The following KYNU variants were observed in gnomAD, a reference collection of about 807,000 sequenced individuals.
KYNU encodes the protein kynureninase, also known as L-kynurenine hydrolase.
Under a neutral mutation model 59.2 loss-of-function variants are expected in KYNU, and 54 were observed. The ratio of observed to expected loss-of-function variants is 0.91; its 90% CI spans 0.73 to 1.14. The LOEUF (loss-of-function observed/expected upper bound fraction) is 1.14, where lower values mean the gene tolerates loss of function less well. Ranked by LOEUF, KYNU falls within the 50% of genes most tolerant of loss-of-function variation. The pLI is 0.00. For missense variants in KYNU, 567 were observed against 554.4 expected, an observed-to-expected ratio of 1.02 and a Z score of -0.23; for synonymous variants, 177 against 192.0, an observed-to-expected ratio of 0.92 and a Z score of 0.65.
chr2:143,042,314 T>G lies in KYNU; in HGVS notation c.*142T>G. ...TAAATAATATACCTTACAGAAAATCTGATATAATTTTTCAGAGTCTGTGGC... is the reference window on the plus strand; with the variant it reads ...TAAATAATATACCTTACAGAAAATCGGATATAATTTTTCAGAGTCTGTGGC... On this transcript the variant is annotated 3_prime_UTR_variant, in exon 14 of 14. Transcript: ENST00000264170. The G allele has an allele frequency of 1.1e-6, 1 of 887,712 alleles. No individual in the cohort carries two copies. The highest frequency in any genetic ancestry group is 1.7e-6 in the Non-Finnish European group (1 of 589,930). 55.0% of individuals were successfully genotyped at this position (887,712 alleles called of 1,614,324 possible). A position where few individuals can be genotyped will look rare whatever the true frequency, so the allele number is the denominator to read the frequency against.
chr2:142,918,134 G>A (rs6732911), intron 2 of KYNU, among the ~76,000 whole-genome samples: 20,507 of 152,016 alleles, frequency 0.13, 2,177 homozygotes, highest in African/African-American at 0.29. Flanking sequence ...GAAAAAAACC[G>A]CATAAATCCA....
chr2:142,907,682 GT>G (rs542702446), intron 2 of KYNU, among the ~76,000 whole-genome samples: 2,329 of 150,746 alleles, frequency 0.015, 64 homozygotes, highest in African/African-American at 0.052. Flanking sequence ...CCTGATCATT[GT>G]CCCCCCGTTG....
rs560305905 is a variant in KYNU, at chr2:142,950,740, G to T, written c.374-4070G>T. On this transcript the variant is annotated intron_variant, in intron 4 of 13. Coordinates refer to ENST00000264170, the MANE Select transcript of KYNU (RefSeq NM_003937.3). ...AAGTAGCAATTTTAACTTCTTTCAA[G>T]AACATTTTCTTTATATTTACAACTT... 4.6e-5 allele frequency among the ~76,000 whole-genome samples: 7 copies of T among 152,280 alleles called. No individual in the cohort carries two copies. In the South Asian group the frequency reaches 6.2e-4, roughly 14 times the overall value.
At chr2:143,023,099 G>A (rs1686454100) in intron 10 of KYNU, among the ~76,000 whole-genome samples, 1 of 151,720 alleles carries the variant, frequency 6.6e-6, no homozygotes, top group Non-Finnish European at 1.5e-5. Flanking sequence ...TTGATCTACA[G>A]TTTAAAGCTA....
At chr2:142,924,462 G>T (rs1682988767) in intron 3 of KYNU, among the ~76,000 whole-genome samples, 1 of 152,104 alleles carries the variant, frequency 6.6e-6, no homozygotes, top group Non-Finnish European at 1.5e-5. Flanking sequence ...AAATTATAAT[G>T]TAATGAAGGC....
intron 3 of KYNU, among the ~76,000 whole-genome samples, chr2:142,924,387 G>A (rs1200472211): frequency 6.6e-6 from 1 of 152,132 alleles, no homozygotes; most frequent in Admixed American, 6.6e-5. Context: ...GATTACAGGC[G>A]TGAGCCACCG....
chr2:142,883,344 G>T (rs530075065), intron 1 of KYNU, among the ~76,000 whole-genome samples: 2 of 151,310 alleles, frequency 1.3e-5, no homozygotes, highest in East Asian at 1.9e-4. Context: ...ACAGGCGCCC[G>T]CCACCTCGCA....
intron 10 of KYNU, among the ~76,000 whole-genome samples, chr2:143,007,823 G>A (rs1685962383): frequency 2.5e-5 from 3 of 121,084 alleles, no homozygotes; most frequent in East Asian, 2.9e-4. Flanking sequence ...CATAAGTGAA[G>A]GAGAAATAAA....
chr2:143,015,852 C>G (rs1229421798), intron 10 of KYNU, among the ~76,000 whole-genome samples: 1 of 152,186 alleles, frequency 6.6e-6, no homozygotes, highest in Non-Finnish European at 1.5e-5. Context: ...GTGGCTTAGA[C>G]AGAACGTCAG....
chr2:142,927,778 G>T, intron 4 of KYNU, 37 bp downstream of exon 4: 1 of 1,333,912 alleles, frequency 7.5e-7, no homozygotes, highest in Non-Finnish European at 1.1e-6. Flanking sequence ...CAAATGAATT[G>T]TAAAGATGTT....
chr2:142,974,075 A>G (rs1296725931), intron 8 of KYNU, among the ~76,000 whole-genome samples: 1 of 152,242 alleles, frequency 6.6e-6, no homozygotes, highest in Non-Finnish European at 1.5e-5. Context: ...AGTTCAGAGC[A>G]TTCATTCCCA....
At chr2:142,942,112 G>A in intron 4 of KYNU, among the ~76,000 whole-genome samples, 1 of 150,034 alleles carries the variant, frequency 6.7e-6, no homozygotes, top group Non-Finnish European at 1.5e-5. Flanking sequence ...GGGAGTTTGA[G>A]GCTACAGTGA....
intron 12 of KYNU, among the ~76,000 whole-genome samples, chr2:143,033,774 A>G (rs1177805393): frequency 1.3e-5 from 2 of 152,230 alleles, no homozygotes; most frequent in East Asian, 3.8e-4. Flanking sequence ...AGTTCATTGT[A>G]GGTGAATGAA....
chr2:142,886,387 T>C (rs1301269545), intron 2 of KYNU, among the ~76,000 whole-genome samples: 1 of 152,202 alleles, frequency 6.6e-6, no homozygotes, highest in African/African-American at 2.4e-5. Flanking sequence ...ATATATACTA[T>C]GTAATAAATG....
At position 142,931,174 on chromosome 2, in the gene KYNU, G is replaced by A. The variant is rs115789265; in HGVS notation, c.373+3433G>A. On this transcript the variant is annotated intron_variant, in intron 4 of 13. Coordinates refer to ENST00000264170, the MANE Select transcript of KYNU (RefSeq NM_003937.3). Reference sequence around the variant, plus strand: ...CTGACGTAAGTAGCCTTGCGCCTTCGTACTGGGCCTGAGAAGGAAGGAGTT... The same window carrying A: ...CTGACGTAAGTAGCCTTGCGCCTTCATACTGGGCCTGAGAAGGAAGGAGTT... Among the ~76,000 whole-genome samples, 1,271 of 152,272 alleles carry A rather than the reference G, an allele frequency of 8.3e-3. 9 individuals carry two copies. Among genetic ancestry groups the A allele is most frequent in the African/African-American group, 0.029 (1,209 of 41,542 alleles).
At chr2:143,012,502 AAAAG>A (rs1443618419) in intron 10 of KYNU, among the ~76,000 whole-genome samples, 6 of 151,756 alleles carry the variant, frequency 4.0e-5, no homozygotes, top group South Asian at 2.1e-4. Flanking sequence ...AAAAAAAAAA[AAAAG>A]AAAGAAAGAA....
At chr2:142,880,438 CTAAG>C (rs1681255088) in intron 1 of KYNU, among the ~76,000 whole-genome samples, 2 of 152,230 alleles carry the variant, frequency 1.3e-5, no homozygotes, top group South Asian at 2.1e-4. Context: ...CATTGTGTAA[CTAAG>C]TGACTCTTAC....
At chr2:142,920,508 A>G (rs577571042) in intron 3 of KYNU, among the ~76,000 whole-genome samples, 1 of 152,316 alleles carries the variant, frequency 6.6e-6, no homozygotes, top group East Asian at 1.9e-4. Context: ...ATGGTCATCC[A>G]CTTAAGTAAG....
At chr2:142,881,565 G>A (rs946584841) in intron 1 of KYNU, 1 of 152,176 alleles carries the variant, frequency 6.6e-6, no homozygotes, top group African/African-American at 2.4e-5. Flanking sequence ...GAATTCTAGA[G>A]CTTTAGTTCT....
Sources: allele counts gnomAD v4.1 joint callset (sites outside exome capture counted in the v4.1 genomes callset), GRCh38; gene constraint gnomAD v4.1.1; transcripts MANE v1.5; gene names NCBI Gene and HGNC (gene_info 2026-07-23, HGNC 2026-07-21).